SLX4IP: variants seen among roughly 807,000 people sequenced by gnomAD.
The protein encoded by SLX4IP is protein SLX4IP.
In SLX4IP, 34 loss-of-function variants were observed where a neutral mutation model predicts 32.9. The observed-to-expected ratio is 1.03, with a 90% CI of 0.79 to 1.38. SLX4IP has a LOEUF of 1.38. SLX4IP is among the 40% of genes most tolerant of loss of function. The probability of loss-of-function intolerance (pLI) is 0.00; values close to 1 mark genes in which losing one functional copy is unlikely to be tolerated. For synonymous variants in SLX4IP, 172 were observed against 171.7 expected (o/e 1.00, Z -0.01); for missense variants, 444 against 479.0 (o/e 0.93, Z 0.68).
At chr20:10,529,590 CAA>C (rs71334410) in intron 2 of SLX4IP, among the ~76,000 whole-genome samples, 4 of 53,638 alleles carry the variant, frequency 7.5e-5, no homozygotes, top group Non-Finnish European at 9.6e-5. Flanking sequence ...GACTCCATCT[CAA>C]AAAAAAAAAA....
intron 1 of SLX4IP, among the ~76,000 whole-genome samples, chr20:10,437,473 T>C (rs1688302475): frequency 6.6e-6 from 1 of 152,240 alleles, no homozygotes; most frequent in Non-Finnish European, 1.5e-5. Context: ...TTACGTTTTA[T>C]GTTGCTATGT....
intron 2 of SLX4IP, among the ~76,000 whole-genome samples, chr20:10,521,371 G>A (rs184354502): frequency 3.9e-5 from 6 of 152,152 alleles, no homozygotes; most frequent in Admixed American, 2.6e-4. Context: ...TCTTCCTGAG[G>A]CTTCATATTG....
intron 3 of SLX4IP, among the ~76,000 whole-genome samples, chr20:10,557,078 A>G (rs1405000778): frequency 6.6e-6 from 1 of 152,192 alleles, no homozygotes; most frequent in Non-Finnish European, 1.5e-5. Context: ...TGGCTTTTAC[A>G]CACCTTTAAA....
chr20:10,482,592 A>G (rs966343017), intron 2 of SLX4IP, among the ~76,000 whole-genome samples: 15 of 152,054 alleles, frequency 9.9e-5, no homozygotes, highest in Non-Finnish European at 1.8e-4. Flanking sequence ...GTTGTACTAG[A>G]GGTACTGTGT....
intron 2 of SLX4IP, among the ~76,000 whole-genome samples, chr20:10,521,144 T>C (rs932855057): frequency 2.0e-5 from 3 of 152,226 alleles, no homozygotes; most frequent in African/African-American, 7.2e-5. Flanking sequence ...ACCTCTTTTG[T>C]TTTCATTTGC....
chr20:10,496,494 A>G (rs1007755018), intron 2 of SLX4IP, among the ~76,000 whole-genome samples: 4 of 152,168 alleles, frequency 2.6e-5, no homozygotes, highest in African/African-American at 9.7e-5. Flanking sequence ...ACGAAACAAA[A>G]CCTAGAGGTG....
At chr20:10,601,612 G>A (rs1025011468) in intron 5 of SLX4IP, 119 bp from the exon 6 acceptor site, 5 of 746,760 alleles carry the variant, frequency 6.7e-6, no homozygotes, top group African/African-American at 5.3e-5. Context: ...GAGAAGAGAC[G>A]TATGTTTTAT....
At chr20:10,498,364 G>A (rs1258050812) in intron 2 of SLX4IP, among the ~76,000 whole-genome samples, 4 of 151,886 alleles carry the variant, frequency 2.6e-5, no homozygotes, top group Non-Finnish European at 2.9e-5. Context: ...CCCACCCAGT[G>A]TGGCCTCAGG....
chr20:10,495,133 G>A (rs528717792), intron 2 of SLX4IP, among the ~76,000 whole-genome samples: 3 of 152,078 alleles, frequency 2.0e-5, no homozygotes, highest in African/African-American at 4.8e-5. Context: ...ATGAAAATAC[G>A]TATATGACTG....
intron 3 of SLX4IP, among the ~76,000 whole-genome samples, chr20:10,559,164 T>G (rs999505335): frequency 6.6e-6 from 1 of 151,944 alleles, no homozygotes; most frequent in Non-Finnish European, 1.5e-5. Flanking sequence ...AAGGCTGCCT[T>G]TTTGTTGTGT....
At chr20:10,445,002 A>G (rs113407740) in intron 1 of SLX4IP, among the ~76,000 whole-genome samples, 9 of 152,242 alleles carry the variant, frequency 5.9e-5, no homozygotes, top group African/African-American at 1.9e-4. Flanking sequence ...TGCATGTAGT[A>G]AGGGAAGAGA....
chr20:10,545,659 A>T (rs541393787), intron 2 of SLX4IP, among the ~76,000 whole-genome samples: 5 of 152,134 alleles, frequency 3.3e-5, no homozygotes, highest in African/African-American at 1.2e-4. Flanking sequence ...TGTGGGGGGG[A>T]TTCCTTAAAT....
intron 2 of SLX4IP, among the ~76,000 whole-genome samples, chr20:10,466,703 G>A (rs531186349): frequency 3.3e-5 from 5 of 152,090 alleles, no homozygotes; most frequent in African/African-American, 7.2e-5. Flanking sequence ...GAGGCTAAAC[G>A]CTTTTACTTT....
At chr20:10,479,213 A>G (rs2065499931) in intron 2 of SLX4IP, among the ~76,000 whole-genome samples, 1 of 152,246 alleles carries the variant, frequency 6.6e-6, no homozygotes, top group African/African-American at 2.4e-5. Context: ...TGGGTAAGTC[A>G]TCTGCGGATG....
At chr20:10,550,450 C>T (rs1421735135) in intron 2 of SLX4IP, among the ~76,000 whole-genome samples, 1 of 152,140 alleles carries the variant, frequency 6.6e-6, no homozygotes, top group Non-Finnish European at 1.5e-5. Flanking sequence ...CAACCACATC[C>T]TCTTACTTCT....
chr20:10,510,756 C>G (rs1325998956), intron 2 of SLX4IP, among the ~76,000 whole-genome samples: 7 of 152,088 alleles, frequency 4.6e-5, no homozygotes, highest in Admixed American at 4.6e-4. Flanking sequence ...AGGCGCCCAC[C>G]ACCATGCATG....
At chr20:10,613,518 A>G in intron 6 of SLX4IP, 3 of 1,609,416 alleles carry the variant, frequency 1.9e-6, no homozygotes, top group Non-Finnish European at 2.5e-6. Flanking sequence ...CTGAGCCAGA[A>G]AATTGTCCAT....
At chr20:10,564,285 C>G (rs1374330783) in intron 4 of SLX4IP, among the ~76,000 whole-genome samples, 1 of 152,198 alleles carries the variant, frequency 6.6e-6, no homozygotes, top group Non-Finnish European at 1.5e-5. Flanking sequence ...AAGCCTGTTT[C>G]AAAACCAAGT....
chr20:10,495,896 G>C (rs2065663507), intron 2 of SLX4IP, among the ~76,000 whole-genome samples: 1 of 151,560 alleles, frequency 6.6e-6, no homozygotes, highest in Admixed American at 6.6e-5. Flanking sequence ...TTTTTTTGTT[G>C]TTGTTATTAT....
Sources: allele counts gnomAD v4.1 joint callset (sites outside exome capture counted in the v4.1 genomes callset), GRCh38; gene constraint gnomAD v4.1.1; transcripts MANE v1.5; gene names NCBI Gene and HGNC (gene_info 2026-07-23, HGNC 2026-07-21).